Variants in SEC63 observed in about 807,000 individuals in gnomAD.
SEC63 encodes translocation protein SEC63 homolog.
A neutral mutation model predicts 116.2 loss-of-function variants in SEC63; 56 were observed. The ratio of observed to expected loss-of-function variants is 0.48; its 90% CI spans 0.39 to 0.60. The LOEUF is 0.60. SEC63 is among the 20% of genes least tolerant of loss of function. The pLI is 0.00. For synonymous variants in SEC63, 273 were observed against 294.6 expected (o/e 0.93, Z 0.75); for missense variants, 668 against 900.0 (o/e 0.74, Z 3.30).
At chr6:107,882,204 T>C (rs868450628) in intron 17 of SEC63, among the ~76,000 whole-genome samples, 1 of 152,212 alleles carries the variant, frequency 6.6e-6, no homozygotes, top group Non-Finnish European at 1.5e-5. Flanking sequence ...CTCTTCCTCT[T>C]TTTTTGGCCT....
rs973575967 is a variant in SEC63 at position 107,868,209 on chromosome 6, G to A, written c.*3495C>T. 8.8e-6 allele frequency: 1 copy of A among 113,912 alleles called. No individual in the cohort carries two copies. Among genetic ancestry groups the A allele is most frequent in the Non-Finnish European group, 1.8e-5 (1 of 56,188 alleles). 7.1% of individuals were successfully genotyped at this position (113,912 alleles called of 1,614,324 possible). A position where few individuals can be genotyped will look rare whatever the true frequency, so the allele number is the denominator to read the frequency against. ...ATGGAGTTAAATCAGACCGTTTGTGGGAAAATTGTTTCTTAAAAAAAAAAA... is the reference window on the plus strand; with the variant it reads ...ATGGAGTTAAATCAGACCGTTTGTGAGAAAATTGTTTCTTAAAAAAAAAAA... On this transcript the variant is annotated 3_prime_UTR_variant, in exon 21 of 21. Coordinates refer to ENST00000369002, the MANE Select transcript of SEC63 (RefSeq NM_007214.5).
intron 16 of SEC63, among the ~76,000 whole-genome samples, chr6:107,892,546 C>T (rs1786707609): frequency 5.3e-5 from 8 of 152,014 alleles, no homozygotes; most frequent in Admixed American, 5.2e-4. Flanking sequence ...AAGATGACCT[C>T]ACTGACGAAA....
rs757346761 is a variant in SEC63, at chr6:107,902,968, G to A, written c.1085C>T (p.Ser362Phe). The A allele has an allele frequency of 1.9e-6, 3 of 1,614,002 alleles. No homozygotes were observed. Among genetic ancestry groups the A allele is most frequent in the South Asian group, 2.2e-5 (2 of 91,088 alleles). Residue 362 changes from serine (S) to phenylalanine (F), a missense_variant, in exon 12 of 21, where the codon TCC becomes TTC. By Grantham distance (155) the Ser-to-Phe change is radical (BLOSUM62 -2). Around this residue, in one of 5 missense-constraint regions of SEC63, gnomAD observed 430 missense variants for 557.5 expected, o/e 0.77. Transcript: ENST00000369002. ...EREFRAPTLA[S>F]LENCMKLSQM... ...AGAAAGCTTCATGCAGTTTTCTAGG[G>A]ATGCCAAAGTTGGAGCACGAAACTC...
At chr6:107,930,394 T>C (rs1217999309) in intron 1 of SEC63, among the ~76,000 whole-genome samples, 1 of 151,688 alleles carries the variant, frequency 6.6e-6, no homozygotes, top group Admixed American at 6.6e-5. Flanking sequence ...GCAGATCACC[T>C]GAGGTCAGGA....
intron 19 of SEC63, among the ~76,000 whole-genome samples, chr6:107,874,008 T>C (rs906997265): frequency 1.3e-4 from 20 of 152,184 alleles, no homozygotes; most frequent in African/African-American, 4.1e-4. Flanking sequence ...TGTTGGAGAA[T>C]AGGACATTCA....
intron 1 of SEC63, among the ~76,000 whole-genome samples, chr6:107,949,969 A>G (rs1288319127): frequency 1.3e-5 from 2 of 152,160 alleles, no homozygotes; most frequent in Non-Finnish European, 2.9e-5. Context: ...TTAAATGTAA[A>G]TGGTTAAATG....
chr6:107,937,889 T>G (rs563525621), intron 1 of SEC63, among the ~76,000 whole-genome samples: 28 of 152,354 alleles, frequency 1.8e-4, no homozygotes, highest in African/African-American at 5.5e-4. Context: ...GGATATTTTT[T>G]GCTTGTTGAG....
intron 2 of SEC63, 137 bp from the exon 3 acceptor site, chr6:107,925,069 G>A (rs1473851580): frequency 1.5e-6 from 1 of 686,882 alleles, no homozygotes; most frequent in Non-Finnish European, 2.7e-6. Flanking sequence ...ACAATCACTG[G>A]GTTACAAACT....
chr6:107,903,223 T>C (rs1787049101), intron 11 of SEC63, among the ~76,000 whole-genome samples: 4 of 152,176 alleles, frequency 2.6e-5, no homozygotes, highest in Admixed American at 2.6e-4. Context: ...GAAAAATTAT[T>C]TGCCTCACCT....
chr6:107,933,990 C>G (rs538740796), intron 1 of SEC63, among the ~76,000 whole-genome samples: 1 of 152,234 alleles, frequency 6.6e-6, no homozygotes, highest in Non-Finnish European at 1.5e-5. Flanking sequence ...CCCGAGGTGC[C>G]GGGTTTGCAG....
intron 1 of SEC63, chr6:107,957,508 C>T (rs1198735136): frequency 1.2e-5 from 2 of 160,196 alleles, no homozygotes; most frequent in African/African-American, 2.4e-5. Flanking sequence ...GAGTTGTGCC[C>T]GCACGTTCAG....
At chr6:107,955,154 T>C (rs9486755) in intron 1 of SEC63, among the ~76,000 whole-genome samples, 148,781 of 152,314 alleles carry the variant, frequency 0.98, 72,705 homozygotes, top group African/African-American at 0.99. Context: ...TGCTCTACCC[T>C]CAGTTTCTTT....
chr6:107,930,615 CAA>C (rs954770153), intron 1 of SEC63, among the ~76,000 whole-genome samples: 2 of 139,328 alleles, frequency 1.4e-5, no homozygotes, highest in African/African-American at 5.3e-5. Flanking sequence ...CTCAAACAAA[CAA>C]AAAAAAAAAG....
At chr6:107,950,239 A>C (rs1770550896) in intron 1 of SEC63, among the ~76,000 whole-genome samples, 1 of 152,212 alleles carries the variant, frequency 6.6e-6, no homozygotes, top group Non-Finnish European at 1.5e-5. Flanking sequence ...TATAACATTT[A>C]TAAACATTTA....
intron 17 of SEC63, among the ~76,000 whole-genome samples, chr6:107,882,204 T>G (rs868450628): frequency 4.9e-4 from 74 of 152,212 alleles, no homozygotes; most frequent in Non-Finnish European, 1.3e-4. Flanking sequence ...CTCTTCCTCT[T>G]TTTTTGGCCT....
chr6:107,913,319 T>C, intron 5 of SEC63, 47 bp downstream of exon 5: 1 of 1,144,176 alleles, frequency 8.7e-7, no homozygotes, highest in South Asian at 1.2e-5. Context: ...AACATTTTTA[T>C]AATATATACC....
rs1041875251 is a variant in SEC63, at chr6:107,957,819, C to G, written c.124+67G>C. 1.7e-5 allele frequency: 24 copies of G among 1,405,186 alleles called. No individual in the cohort carries two copies. The Admixed American group carries it at 1.9e-4, about 11-fold the overall frequency. The allele number at this position is 1,405,186 out of a possible 1,614,324, so 87.0% of individuals were successfully genotyped here. On this transcript the variant is annotated intron_variant, in intron 1 of 20. Coordinates refer to ENST00000369002, the MANE Select transcript of SEC63 (RefSeq NM_007214.5). ...CGCGGGCTGGGGCCGGGCAAGCGGGCGCCGCAGGGCCTGGGGGCGCTGGCG... is the reference window on the plus strand; with the variant it reads ...CGCGGGCTGGGGCCGGGCAAGCGGGGGCCGCAGGGCCTGGGGGCGCTGGCG...
At chr6:107,901,191 A>C (rs1786991679) in intron 13 of SEC63, among the ~76,000 whole-genome samples, 179 bp downstream of exon 13, 1 of 152,224 alleles carries the variant, frequency 6.6e-6, no homozygotes, top group Non-Finnish European at 1.5e-5. Context: ...CAGTGTTCTC[A>C]AACTATTAGG....
At chr6:107,955,912 A>AAATC in intron 1 of SEC63, 1 of 277,970 alleles carries the variant, frequency 3.6e-6, no homozygotes, top group South Asian at 3.3e-5. Flanking sequence ...ATAAATAAAT[A>AAATC]AATAGTATGA....
Sources: gnomAD v4.1 joint callset for allele counts (sites outside exome capture counted in the v4.1 genomes callset) on GRCh38, gnomAD v4.1.1 for gene constraint, gnomAD v4.1.1 regional missense constraint, MANE v1.5 for transcripts, NCBI Gene and HGNC (gene_info 2026-07-23, HGNC 2026-07-21) for gene names.